Variants in AGGF1 observed in about 807,000 individuals in gnomAD.
AGGF1 encodes the protein angiogenic factor with G-patch and FHA domains 1.
AGGF1 carries 56 observed loss-of-function variants against 86.5 expected under a neutral mutation model. The observed-to-expected ratio is 0.65, with a 90% CI of 0.52 to 0.81. The LOEUF is 0.81. Ranked by LOEUF, AGGF1 falls within the 30% of genes least tolerant of loss-of-function variation. The probability of loss-of-function intolerance (pLI) is 0.00; values close to 1 mark genes in which losing one functional copy is unlikely to be tolerated. For missense variants in AGGF1, 816 were observed against 850.9 expected (o/e 0.96, Z 0.51); for synonymous variants, 313 against 297.1 (o/e 1.05, Z -0.55).
intron 8 of AGGF1, among the ~76,000 whole-genome samples, chr5:77,050,142 A>G (rs139517569): frequency 1.3e-5 from 2 of 151,984 alleles, no homozygotes; most frequent in African/African-American, 4.8e-5. Flanking sequence ...TAAGCAGATT[A>G]TGTTGCTTTT....
intron 6 of AGGF1, among the ~76,000 whole-genome samples, chr5:77,047,079 A>T (rs998628263): frequency 2.0e-5 from 3 of 151,604 alleles, no homozygotes; most frequent in Non-Finnish European, 4.4e-5. Context: ...GGTAAATCTA[A>T]TTTTTTTTTA....
rs1742768506 is a variant in AGGF1, at chr5:77,064,901, T to G, written c.*1649T>G. The G allele has an allele frequency of 6.6e-6, 1 of 152,200 alleles. No individual in the cohort carries two copies. Among genetic ancestry groups the G allele is most frequent in the Non-Finnish European group, 1.5e-5 (1 of 68,032 alleles). 9.4% of individuals were successfully genotyped at this position (152,200 alleles called of 1,614,324 possible). A position where few individuals can be genotyped will look rare whatever the true frequency, so the allele number is the denominator to read the frequency against. ...ATTATATTGGGGAAAACATTTTTTA[T>G]CATTTTCTATTAAGAAAATGGAAAA... On this transcript the variant is annotated 3_prime_UTR_variant, in exon 14 of 14. Transcript: ENST00000312916.
chr5:77,038,258 T>C (rs1029232941), intron 4 of AGGF1, among the ~76,000 whole-genome samples: 10 of 152,230 alleles, frequency 6.6e-5, no homozygotes, highest in African/African-American at 2.4e-4. Context: ...TAAACACTTA[T>C]CCAAAGGGAG....
chr5:77,045,438 ACAT>A (rs1473644853), intron 5 of AGGF1, among the ~76,000 whole-genome samples: 1 of 150,956 alleles, frequency 6.6e-6, no homozygotes, highest in Non-Finnish European at 1.5e-5. Context: ...TGATAAAAAT[ACAT>A]CATTTTTGTT....
chr5:77,034,745 T>C (rs1479567765), intron 2 of AGGF1, among the ~76,000 whole-genome samples: 2 of 152,236 alleles, frequency 1.3e-5, no homozygotes, highest in African/African-American at 4.8e-5. Context: ...ATGTTGCTAA[T>C]GTTTTCAGTG....
At chr5:77,038,023 T>C (rs755956379) in intron 4 of AGGF1, among the ~76,000 whole-genome samples, 6 of 152,222 alleles carry the variant, frequency 3.9e-5, no homozygotes, top group Non-Finnish European at 5.9e-5. Context: ...TGAGGAATTA[T>C]AGAATGTGGT....
At chr5:77,057,682 GC>G (rs1747485124) in intron 11 of AGGF1, among the ~76,000 whole-genome samples, 1 of 152,238 alleles carries the variant, frequency 6.6e-6, no homozygotes, top group South Asian at 2.1e-4. Context: ...TCAGAAAGCT[GC>G]CTTCTGGGTG....
chr5:77,048,324 T>A (rs1747307207), intron 7 of AGGF1, 52 bp downstream of exon 7: 1 of 1,358,100 alleles, frequency 7.4e-7, no homozygotes, highest in African/African-American at 1.4e-5. Flanking sequence ...CAGAAAGGCT[T>A]TATTAAGAGC....
intron 11 of AGGF1, among the ~76,000 whole-genome samples, chr5:77,057,833 A>G (rs1348187876): frequency 2.0e-5 from 3 of 152,176 alleles, no homozygotes; most frequent in Admixed American, 1.3e-4. Context: ...CCAGGTGGGG[A>G]CTGGAACAGA....
At chr5:77,037,084 T>C (rs1746982923) in intron 4 of AGGF1, among the ~76,000 whole-genome samples, 1 of 152,218 alleles carries the variant, frequency 6.6e-6, no homozygotes, top group South Asian at 2.1e-4. Flanking sequence ...CTCAAAACTA[T>C]TTGACAGAAG....
Position 77,061,523 on chromosome 5 carries a change from T to C in AGGF1, c.1845-180T>C, listed in dbSNP as rs143663566. ...TGTTGTATGTGTGTTTTGGTGCACA[T>C]GCACATGCTTTTCTAAGTAGGATAT... On this transcript the variant is annotated intron_variant, in intron 12 of 13. Transcript: ENST00000312916. Among the ~76,000 whole-genome samples, 693 of 152,374 alleles carry C rather than the reference T, an allele frequency of 4.5e-3. 5 individuals are homozygous for C. Among genetic ancestry groups the C allele is most frequent in the African/African-American group, 0.015 (644 of 41,598 alleles).
chr5:77,045,430 A>G (rs1174480600), intron 5 of AGGF1, among the ~76,000 whole-genome samples: 9 of 151,682 alleles, frequency 5.9e-5, no homozygotes, highest in Admixed American at 3.3e-4. Context: ...GTTGTACATG[A>G]TAAAAATACA....
In AGGF1 at chr5:77,048,170, A is replaced by G. The variant is rs369147610; in HGVS notation, c.1211A>G (p.Lys404Arg). 9.9e-6 allele frequency: 16 copies of G among 1,611,042 alleles called. No homozygotes were observed. Among genetic ancestry groups the G allele is most frequent in the Non-Finnish European group, 1.4e-5 (16 of 1,177,610 alleles). The change falls in exon 7 of 14, where the codon AAA becomes AGA. Residue 404 changes from lysine to arginine, a missense_variant. By Grantham distance (26) the Lys-to-Arg change is conservative. This residue lies in a region of AGGF1 where 565 missense variants were observed against 585.8 expected (regional missense o/e 0.96). Coordinates refer to ENST00000312916, the MANE Select transcript of AGGF1 (RefSeq NM_018046.5). ...CTTCTTTCCTTGGCAGATGAAGACA[A>G]AATTTGGCCCCCATGTATTAGAGTA... ...AEDSEDEDED[K>R]IWPPCIRVIV...
In AGGF1 at chr5:77,038,064, C is replaced by G. The variant is rs76962382; in HGVS notation, c.681+1344C>G. ...AAAGTGGAGTTGACGTTCATCATTC[C>G]TGTTACTGGAACTATTGTTATCTAG... On this transcript the variant is annotated intron_variant, in intron 4 of 13. Transcript: ENST00000312916. Among the ~76,000 whole-genome samples the G allele has an allele frequency of 3.8e-3, 572 of 152,256 alleles. 18 individuals carry two copies. The East Asian group carries it at 0.055, about 15-fold the overall frequency.
intron 2 of AGGF1, 89 bp from the exon 3 acceptor site, chr5:77,035,452 T>G: frequency 2.1e-6 from 2 of 953,492 alleles, no homozygotes; most frequent in Non-Finnish European, 3.2e-6. Flanking sequence ...ATGTGCTTTT[T>G]GTGTTTAAAT....
intron 11 of AGGF1, among the ~76,000 whole-genome samples, chr5:77,059,003 T>TGCCA (rs1431954115): frequency 6.6e-6 from 1 of 152,232 alleles, no homozygotes; most frequent in African/African-American, 2.4e-5. Flanking sequence ...AAACTATTGT[T>TGCCA]GCCAGGGTAA....
intron 1 of AGGF1, among the ~76,000 whole-genome samples, chr5:77,033,784 C>T (rs1356535086): frequency 3.3e-5 from 5 of 152,146 alleles, no homozygotes; most frequent in East Asian, 1.9e-4. Flanking sequence ...ACTGAGGCAG[C>T]GTATTGACCG....
In AGGF1 at chr5:77,036,532, T is replaced by C. The variant is rs138183644; in HGVS notation, c.517-24T>C. ...TGATATACAGAAGCTTTTGTCTTAT[T>C]TGGCATGACTATATCTTTTATAGGA... On this transcript the variant is annotated intron_variant, in intron 3 of 13. Coordinates refer to ENST00000312916, the MANE Select transcript of AGGF1 (RefSeq NM_018046.5). 307 of 1,613,656 alleles carry C rather than the reference T, an allele frequency of 1.9e-4. 1 individual carries two copies. In the African/African-American group the frequency reaches 3.6e-3, roughly 19 times the overall value.
In AGGF1 at chr5:77,052,534, A is replaced by G. The variant is rs117850368; in HGVS notation, c.1366-172A>G. 4.5e-4 allele frequency among the ~76,000 whole-genome samples: 69 copies of G among 152,320 alleles called. No individual in the cohort carries two copies. The East Asian group carries it at 0.013, about 28-fold the overall frequency. ...AGATTTATAGATGACATTTTCTTCT[A>G]TAGCCTCTGTTTCTACCAGAAGCAT... is the stretch of plus-strand genomic sequence containing the variant. On this transcript the variant is annotated intron_variant, in intron 8 of 13. Coordinates refer to ENST00000312916, the MANE Select transcript of AGGF1 (RefSeq NM_018046.5).
Sources: gnomAD v4.1 joint callset for allele counts (sites outside exome capture counted in the v4.1 genomes callset) on GRCh38, gnomAD v4.1.1 for gene constraint, gnomAD v4.1.1 regional missense constraint, MANE v1.5 for transcripts, NCBI Gene and HGNC (gene_info 2026-07-23, HGNC 2026-07-21) for gene names.